CCDC33: variants seen among roughly 807,000 people sequenced by gnomAD.
CCDC33 encodes coiled-coil domain containing 33.
CCDC33 carries 94 observed loss-of-function variants against 91.9 expected under a neutral mutation model. The observed-to-expected ratio is 1.02, with a 90% CI of 0.87 to 1.21. The LOEUF (loss-of-function observed/expected upper bound fraction) is 1.21, where lower values mean the gene tolerates loss of function less well. CCDC33 is among the 50% of genes most tolerant of loss of function. CCDC33 has a pLI of 0.00. For synonymous variants in CCDC33, 396 were observed against 374.5 expected, an observed-to-expected ratio of 1.06 and a Z score of -0.66; for missense variants, 940 against 935.5, an observed-to-expected ratio of 1.00 and a Z score of -0.06.
At chr15:74,289,236 A>AGAAGACAGACT (rs2059539289) in intron 10 of CCDC33, among the ~76,000 whole-genome samples, 1 of 152,206 alleles carries the variant, frequency 6.6e-6, no homozygotes, top group Admixed American at 6.5e-5. Context: ...TGAGAATGAA[A>AGAAGACAGACT]TGGGGGAAGA....
chr15:74,262,464 C>T lies in CCDC33; in HGVS notation c.210C>T (p.Asn70=). 7 of 1,614,046 alleles carry T rather than the reference C, an allele frequency of 4.3e-6. No individual in the cohort carries two copies. The highest frequency in any genetic ancestry group is 5.9e-6 in the Non-Finnish European group (7 of 1,179,960). ...VVVKSTSEEK[N]NQSSKAVTSV... ...GGAAAAGCACATCTGAGGAAAAGAA[C>T]AATCAGAGCTCCAAGGCAGTCACAT... Residue 70 remains asparagine, a synonymous_variant, in exon 3 of 19, where the codon AAC becomes AAT. Transcript: ENST00000398814.
chr15:74,295,828 G>C lies in CCDC33; in HGVS notation c.1170G>C (p.Lys390Asn). 6.2e-7 allele frequency: 1 copy of C among 1,614,160 alleles called. No homozygotes were observed. The highest frequency in any genetic ancestry group is 8.5e-7 in the Non-Finnish European group (1 of 1,180,028). ...TGGACCCCAAGATCCTGGATAAGAA[G>C]CTGAGAACCATCCAAGAGTCCTGGT... is the stretch of plus-strand genomic sequence containing the variant. ...PTLDPKILDKKLRTIQESWSK... is the reference protein window; with the variant it reads ...PTLDPKILDKNLRTIQESWSK... Residue 390 changes from lysine (K) to asparagine (N), a missense_variant, in exon 11 of 19, where the codon AAG (lysine) becomes AAC (asparagine). Coordinates refer to ENST00000398814, the MANE Select transcript of CCDC33 (RefSeq NM_025055.5).
At position 74,281,787 on chromosome 15, in the gene CCDC33, C is replaced by T; in HGVS notation, c.1033C>T (p.Leu345=). Residue 345 remains leucine (L), a synonymous_variant, in exon 10 of 19, where the codon CTG becomes TTG. Coordinates refer to ENST00000398814, the MANE Select transcript of CCDC33 (RefSeq NM_025055.5). ...VERLPIMDTS[L]KTINDEAPTV... is the part of the protein sequence containing the mutation. ...CCCTTTTCCTCCCCAGGACACCAGC[C>T]TGAAAACTATCAATGATGAGGCCCC... 1 of 1,613,946 alleles carries T rather than the reference C, an allele frequency of 6.2e-7. No homozygotes were observed.
chr15:74,280,773 G>C lies in CCDC33; in HGVS notation c.995G>C (p.Gly332Ala). The stretch of plus-strand genomic sequence containing the variant: ...ATGCTGACAGGGAAAGGCTTGGACG[G>C]GCTTCACGTGGAGCGGCTCCCCATC... ...QKMLTGKGLD[G>A]LHVERLPIMD... Residue 332 changes from glycine to alanine, a missense_variant, in exon 9 of 19, where the codon GGG becomes GCG. Coordinates refer to ENST00000398814, the MANE Select transcript of CCDC33 (RefSeq NM_025055.5). 1.3e-6 allele frequency: 2 copies of C among 1,558,842 alleles called. No individual in the cohort carries two copies. Among genetic ancestry groups the C allele is most frequent in the Non-Finnish European group, 1.7e-6 (2 of 1,151,790 alleles).
At position 74,281,808 on chromosome 15, in the gene CCDC33, G is replaced by T; in HGVS notation, c.1054G>T (p.Ala352Ser). ...DTSLKTINDE[A>S]PTVALSFQLL... ...CAGCCTGAAAACTATCAATGATGAG[G>T]CCCCCACAGTGGCTCTCTCCTTCCA... Residue 352 changes from alanine (A) to serine (S), a missense_variant, in exon 10 of 19, where the codon GCC becomes TCC. Coordinates refer to ENST00000398814, the MANE Select transcript of CCDC33 (RefSeq NM_025055.5). The T allele has an allele frequency of 6.2e-7, 1 of 1,613,994 alleles. No individual in the cohort carries two copies. The highest frequency in any genetic ancestry group is 8.5e-7 in the Non-Finnish European group (1 of 1,179,938).
At chr15:74,253,335 C>T (rs1358736346) in intron 2 of CCDC33, among the ~76,000 whole-genome samples, 1 of 152,170 alleles carries the variant, frequency 6.6e-6, no homozygotes, top group Non-Finnish European at 1.5e-5. Flanking sequence ...AGCCTGGCCC[C>T]CGTGGGTCCC....
intron 11 of CCDC33, among the ~76,000 whole-genome samples, chr15:74,304,753 G>A (rs991313668): frequency 3.3e-5 from 5 of 151,972 alleles, no homozygotes; most frequent in African/African-American, 7.3e-5. Flanking sequence ...GAGCCAGTCC[G>A]GTGGGCCTGT....
At chr15:74,317,208 G>T (rs1407754798) in intron 11 of CCDC33, among the ~76,000 whole-genome samples, 1 of 152,120 alleles carries the variant, frequency 6.6e-6, no homozygotes, top group East Asian at 1.9e-4. Context: ...AAAAATACAA[G>T]AAATTAGCCA....
intron 10 of CCDC33, among the ~76,000 whole-genome samples, chr15:74,287,494 C>T (rs1294355623): frequency 6.6e-6 from 1 of 151,664 alleles, no homozygotes; most frequent in Admixed American, 6.6e-5. Context: ...GTGTAGAGCT[C>T]TTCCCATCCC....
chr15:74,314,576 TC>T (rs199560259), intron 11 of CCDC33, among the ~76,000 whole-genome samples: 2 of 150,160 alleles, frequency 1.3e-5, no homozygotes, highest in Admixed American at 1.3e-4. Flanking sequence ...CTGCCCACCC[TC>T]CCCCTGCCAG....
chr15:74,313,992 C>G (rs892283255), intron 11 of CCDC33, among the ~76,000 whole-genome samples: 1 of 152,210 alleles, frequency 6.6e-6, no homozygotes, highest in Non-Finnish European at 1.5e-5. Context: ...TGCACTCCCA[C>G]GGTGTTCCAG....
intron 11 of CCDC33, among the ~76,000 whole-genome samples, chr15:74,322,756 G>A (rs569829204): frequency 2.6e-5 from 4 of 152,184 alleles, no homozygotes; most frequent in Non-Finnish European, 5.9e-5. Context: ...TGTGGGAGGC[G>A]GCTGCCCTCT....
intron 10 of CCDC33, among the ~76,000 whole-genome samples, chr15:74,284,595 A>G (rs1002432943): frequency 7.2e-5 from 11 of 152,214 alleles, no homozygotes; most frequent in Non-Finnish European, 1.5e-4. Context: ...GAAGAAAAAA[A>G]AACAATCAGG....
Position 74,307,835 on chromosome 15 carries a change from T to C in CCDC33, c.1290+11887T>C, listed in dbSNP as rs186198291. On this transcript the variant is annotated intron_variant, in intron 11 of 18. Coordinates refer to ENST00000398814, the MANE Select transcript of CCDC33 (RefSeq NM_025055.5). ...CACCTTATGAACAACCTCAAAGAAT[T>C]CTCAGCTTCCACACTGGCCCCTGGC... Among the ~76,000 whole-genome samples the C allele has an allele frequency of 3.0e-4, 46 of 152,128 alleles. No homozygotes were observed. In the East Asian group the frequency reaches 8.4e-3, roughly 28 times the overall value.
intron 2 of CCDC33, among the ~76,000 whole-genome samples, chr15:74,250,619 G>A (rs537207284): frequency 2.6e-5 from 4 of 152,184 alleles, no homozygotes; most frequent in East Asian, 1.9e-4. Context: ...GATTATGTGC[G>A]TACTCTTTGC....
intron 11 of CCDC33, among the ~76,000 whole-genome samples, chr15:74,305,677 G>A (rs2059880229): frequency 6.6e-6 from 1 of 152,192 alleles, no homozygotes; most frequent in Admixed American, 6.5e-5. Context: ...TTCTGGCACA[G>A]GCACCTACTC....
At chr15:74,315,932 C>T (rs1247329432) in intron 11 of CCDC33, among the ~76,000 whole-genome samples, 2 of 152,132 alleles carry the variant, frequency 1.3e-5, no homozygotes, top group Admixed American at 1.3e-4. Flanking sequence ...CCAATGCCAC[C>T]AGGCATCTCT....
At chr15:74,247,921 A>G (rs11638601) in intron 2 of CCDC33, among the ~76,000 whole-genome samples, 68,519 of 152,024 alleles carry the variant, frequency 0.45, 18,935 homozygotes, top group Non-Finnish European at 0.63. Context: ...TATTAAAAAT[A>G]CAAAAACTAG....
chr15:74,203,458 G>A (rs2074174599), intron 1 of CCDC33, among the ~76,000 whole-genome samples: 1 of 152,234 alleles, frequency 6.6e-6, no homozygotes, highest in African/African-American at 2.4e-5. Context: ...GGCAGAAGAA[G>A]GTAGAAAGCA....
Sources: gnomAD v4.1 joint callset for allele counts (sites outside exome capture counted in the v4.1 genomes callset) on GRCh38, gnomAD v4.1.1 for gene constraint, MANE v1.5 for transcripts, NCBI Gene and HGNC (gene_info 2026-07-23, HGNC 2026-07-21) for gene names.